Variants in ZMYM2 observed in about 807,000 individuals in gnomAD.
ZMYM2 encodes the protein zinc finger MYM-type protein 2.
In ZMYM2, 56 loss-of-function variants were observed where a neutral mutation model predicts 162.8. That is an observed-to-expected ratio of 0.34 (90% confidence interval 0.28 to 0.43). ZMYM2 has a LOEUF of 0.43. ZMYM2 is among the 20% of genes least tolerant of loss of function. The probability of loss-of-function intolerance (pLI) is 1.00; values close to 1 mark genes in which losing one functional copy is unlikely to be tolerated. For synonymous variants in ZMYM2, 510 were observed against 541.6 expected (o/e 0.94, Z 0.81); for missense variants, 1,275 against 1,621.8 (o/e 0.79, Z 3.67).
chr13:19,878,755 C>T, the ZMYM2 span, among the ~76,000 whole-genome samples: 7 of 152,082 alleles, frequency 4.6e-5, no homozygotes, highest in Non-Finnish European at 1.0e-4. Flanking sequence ...CTCCTGACAT[C>T]GGGTGATCCA....
At chr13:19,960,412 TAAAC>T (rs1955077042) in intron 2 of ZMYM2, among the ~76,000 whole-genome samples, 5 of 152,364 alleles carry the variant, frequency 3.3e-5, no homozygotes, top group African/African-American at 4.8e-5. Flanking sequence ...TTTTCTTCCT[TAAAC>T]AATGGCTAAT....
chr13:19,895,792 G>A, the ZMYM2 span, among the ~76,000 whole-genome samples: 1 of 151,542 alleles, frequency 6.6e-6, no homozygotes, highest in Non-Finnish European at 1.5e-5. Flanking sequence ...TTAAAAGCAA[G>A]GACACAAAGG....
intron 16 of ZMYM2, 70 bp from the exon 17 acceptor site, chr13:20,060,983 G>A: frequency 6.9e-7 from 1 of 1,444,560 alleles, no homozygotes; most frequent in Non-Finnish European, 9.4e-7. Flanking sequence ...ATGTGTCAGA[G>A]TAATTTTTAA....
At chr13:19,936,576 G>T in the ZMYM2 span, among the ~76,000 whole-genome samples, 6 of 152,164 alleles carry the variant, frequency 3.9e-5, no homozygotes, top group African/African-American at 1.4e-4. Context: ...ACAAAAATTA[G>T]CCGGGCCTGG....
intron 11 of ZMYM2, among the ~76,000 whole-genome samples, chr13:20,035,409 C>T (rs1452213148): frequency 6.6e-6 from 1 of 152,120 alleles, no homozygotes; most frequent in East Asian, 1.9e-4. Context: ...TGGAAAGTAA[C>T]CATGTTTCGC....
chr13:19,873,578 T>G, the ZMYM2 span, among the ~76,000 whole-genome samples: 1 of 151,966 alleles, frequency 6.6e-6, no homozygotes, highest in Non-Finnish European at 1.5e-5. Context: ...CCAGCTAATT[T>G]TTGTATTTTT....
chr13:20,068,155 C>G (rs1956819340), intron 21 of ZMYM2: 1 of 180,642 alleles, frequency 5.5e-6, no homozygotes, highest in South Asian at 2.0e-4. Context: ...TCACTGTATT[C>G]AAGGACCATC....
At chr13:19,982,938 A>T (rs1438970732) in intron 2 of ZMYM2, among the ~76,000 whole-genome samples, 1 of 152,158 alleles carries the variant, frequency 6.6e-6, no homozygotes, top group Non-Finnish European at 1.5e-5. Flanking sequence ...TTTTTTAAAA[A>T]AACCCTTACT....
chr13:20,041,598 A>T (rs1390354875), intron 12 of ZMYM2, among the ~76,000 whole-genome samples: 1 of 152,102 alleles, frequency 6.6e-6, no homozygotes, highest in Non-Finnish European at 1.5e-5. Context: ...TCATGATGTT[A>T]GCTGGTTATT....
chr13:19,885,936 CATATATAT>C, the ZMYM2 span, among the ~76,000 whole-genome samples: 570 of 91,130 alleles, frequency 6.3e-3, 175 homozygotes, highest in African/African-American at 0.035. Flanking sequence ...TGTGTATACA[CATATATAT>C]GTATATACAC....
chr13:19,908,116 T>A, the ZMYM2 span, among the ~76,000 whole-genome samples: 1 of 152,008 alleles, frequency 6.6e-6, no homozygotes. Context: ...GGCAAAACCC[T>A]GTCTCTGCAA....
chr13:19,899,836 A>AG, the ZMYM2 span, among the ~76,000 whole-genome samples: 3 of 120,838 alleles, frequency 2.5e-5, no homozygotes, highest in Non-Finnish European at 5.3e-5. Flanking sequence ...AAAAAAAAAA[A>AG]AAGGAAAACA....
Position 20,036,800 on chromosome 13 carries a change from A to G in ZMYM2, c.2183A>G (p.Asn728Ser). The G allele has an allele frequency of 1.2e-6, 2 of 1,606,208 alleles. No homozygotes were observed. The highest frequency in any genetic ancestry group is 1.7e-6 in the Non-Finnish European group (2 of 1,176,008). Reference protein sequence around the residue: ...RRLGLRCVTCNYCSQLCKKGA... With the variant: ...RRLGLRCVTCSYCSQLCKKGA... The stretch of plus-strand genomic sequence containing the variant: ...TTAGGATTGAGATGTGTTACTTGCA[A>G]CTATTGTTCTCAGCTATGTAAGAAG... Residue 728 changes from asparagine (N) to serine (S), a missense_variant, in exon 12 of 25, where the codon AAC (asparagine) becomes AGC (serine). Around this residue, in one of 10 missense-constraint regions of ZMYM2, gnomAD observed 177 missense variants for 228.0 expected, o/e 0.78. Coordinates refer to ENST00000610343, the MANE Select transcript of ZMYM2 (RefSeq NM_197968.4).
At chr13:19,961,577 C>T (rs924404070) in intron 2 of ZMYM2, among the ~76,000 whole-genome samples, 5 of 151,674 alleles carry the variant, frequency 3.3e-5, no homozygotes, top group Non-Finnish European at 7.4e-5. Context: ...GATTTTTTTT[C>T]TTTGTTCTTA....
Position 20,086,154 on chromosome 13 carries a change from TA to T in ZMYM2, c.*143del. 1.4e-6 allele frequency: 1 copy of T among 717,446 alleles called. No homozygotes were observed. The highest frequency in any genetic ancestry group is 3.3e-5 in the Admixed American group (1 of 30,678). The allele number at this position is 717,446 out of a possible 1,614,324, so 44.4% of individuals were successfully genotyped here. On this transcript the variant is annotated 3_prime_UTR_variant, in exon 25 of 25. Coordinates refer to ENST00000610343, the MANE Select transcript of ZMYM2 (RefSeq NM_197968.4). ...TGTACCCACGCTGGGTATTACCATG[TA>T]AATAATCTGTGAGTGAAAGTTGCCA... is the stretch of plus-strand genomic sequence containing the variant.
the ZMYM2 span, among the ~76,000 whole-genome samples, chr13:19,874,597 G>A: frequency 6.6e-6 from 1 of 152,064 alleles, no homozygotes; most frequent in Non-Finnish European, 1.5e-5. Context: ...ATCTCTCTTG[G>A]CATCCCTCTT....
At position 20,086,598 on chromosome 13, in the gene ZMYM2, CAA is replaced by C. The variant is rs1191909563; in HGVS notation, c.*585_*586del. 6 of 202,318 alleles carry C rather than the reference CAA, an allele frequency of 3.0e-5. No individual in the cohort carries two copies. Among genetic ancestry groups the C allele is most frequent in the Non-Finnish European group, 6.1e-5 (6 of 98,188 alleles). The allele number at this position is 202,318 out of a possible 1,614,324, so 12.5% of individuals were successfully genotyped here. ...TACCATCTTCTGTACCAAAAATAGA[CAA>C]GAGAATGCTGTCAATATTGGTGTAC... On this transcript the variant is annotated 3_prime_UTR_variant, in exon 25 of 25. Coordinates refer to ENST00000610343, the MANE Select transcript of ZMYM2 (RefSeq NM_197968.4).
At chr13:20,049,169 TCTC>T (rs1955087948) in intron 12 of ZMYM2, among the ~76,000 whole-genome samples, 1 of 60,308 alleles carries the variant, frequency 1.7e-5, no homozygotes, top group South Asian at 9.2e-4. Flanking sequence ...AGTATTGAGT[TCTC>T]ACTTACTGTT....
the ZMYM2 span, among the ~76,000 whole-genome samples, chr13:19,867,088 C>T: frequency 9.2e-5 from 14 of 152,134 alleles, no homozygotes; most frequent in Non-Finnish European, 1.6e-4. Context: ...CGCGGTGGCT[C>T]ACGCCTGTAA....
Sources: gnomAD v4.1 joint callset for allele counts (sites outside exome capture counted in the v4.1 genomes callset) on GRCh38, gnomAD v4.1.1 for gene constraint, gnomAD v4.1.1 regional missense constraint, MANE v1.5 for transcripts, NCBI Gene and HGNC (gene_info 2026-07-23, HGNC 2026-07-21) for gene names.